Variants in MGAT5 observed in about 807,000 individuals in gnomAD.
MGAT5 encodes the protein alpha-1,6-mannosylglycoprotein 6-beta-N-acetylglucosaminyltransferase.
Under a neutral mutation model 94.3 loss-of-function variants are expected in MGAT5, and 30 were observed. The ratio of observed to expected loss-of-function variants is 0.32; its 90% confidence interval spans 0.24 to 0.43. The LOEUF (loss-of-function observed/expected upper bound fraction) is 0.43, where lower values mean the gene tolerates loss of function less well. Ranked by LOEUF, MGAT5 falls within the 20% of genes least tolerant of loss-of-function variation. The pLI, the probability that MGAT5 is intolerant of heterozygous loss-of-function variation, is 1.00. For synonymous variants in MGAT5, 310 were observed against 322.9 expected (o/e 0.96, Z 0.43); for missense variants, 691 against 905.5 (o/e 0.76, Z 3.04).
intron 1 of MGAT5, among the ~76,000 whole-genome samples, chr2:134,191,601 T>C (rs1443375098): frequency 1.4e-5 from 2 of 146,990 alleles, no homozygotes; most frequent in African/African-American, 5.1e-5. Flanking sequence ...GGGTTTCTCA[T>C]GGGAGGGTGG....
intron 1 of MGAT5, among the ~76,000 whole-genome samples, chr2:134,185,768 G>A (rs1039598215): frequency 6.6e-6 from 1 of 152,192 alleles, no homozygotes; most frequent in Non-Finnish European, 1.5e-5. Flanking sequence ...GAGTACCAAC[G>A]AGTGGCAAAA....
At chr2:134,421,914 TC>T (rs1306220946) in intron 12 of MGAT5, among the ~76,000 whole-genome samples, 1 of 151,634 alleles carries the variant, frequency 6.6e-6, no homozygotes, top group Non-Finnish European at 1.5e-5. Flanking sequence ...GTGCCTGTAA[TC>T]CCGGCAGTTT....
chr2:134,134,673 G>A (rs180758873), intron 1 of MGAT5, among the ~76,000 whole-genome samples: 5 of 152,286 alleles, frequency 3.3e-5, no homozygotes, highest in Admixed American at 3.3e-4. Flanking sequence ...GCCCTACAAT[G>A]TTATTGGGGG....
chr2:134,174,698 C>A (rs1573793844), intron 1 of MGAT5, among the ~76,000 whole-genome samples: 1 of 152,208 alleles, frequency 6.6e-6, no homozygotes, highest in Non-Finnish European at 1.5e-5. Context: ...CCTTCATTGT[C>A]TCTGCTCAGA....
chr2:134,347,064 G>A (rs1003993326), intron 8 of MGAT5, among the ~76,000 whole-genome samples: 1 of 152,054 alleles, frequency 6.6e-6, no homozygotes, highest in Non-Finnish European at 1.5e-5. Context: ...GTCATTAGTC[G>A]GCCTATGATG....
chr2:134,426,732 T>A (rs986648652), intron 13 of MGAT5, among the ~76,000 whole-genome samples: 1 of 150,284 alleles, frequency 6.7e-6, no homozygotes, highest in Middle Eastern at 3.4e-3. Flanking sequence ...GAAAAAATTT[T>A]ACATTTTGTG....
chr2:134,275,626 C>A (rs913198115), intron 2 of MGAT5, among the ~76,000 whole-genome samples: 58 of 130,326 alleles, frequency 4.5e-4, no homozygotes, highest in Non-Finnish European at 7.9e-4. Flanking sequence ...CTCTGTTGCT[C>A]AGGCCAGAAT....
intron 2 of MGAT5, among the ~76,000 whole-genome samples, chr2:134,299,925 T>C (rs755215312): frequency 1.4e-4 from 22 of 152,164 alleles, no homozygotes; most frequent in Non-Finnish European, 2.6e-4. Context: ...ACCTTGAATA[T>C]AACTCTCTGA....
intron 3 of MGAT5, among the ~76,000 whole-genome samples, chr2:134,318,142 T>C (rs542825802): frequency 6.6e-6 from 1 of 152,166 alleles, no homozygotes; most frequent in Non-Finnish European, 1.5e-5. Context: ...TCAGTAGTTT[T>C]CAGAGAACAG....
chr2:134,290,740 G>A (rs1685298290), intron 2 of MGAT5, among the ~76,000 whole-genome samples: 1 of 152,164 alleles, frequency 6.6e-6, no homozygotes, highest in Non-Finnish European at 1.5e-5. Flanking sequence ...TCTGCTATGA[G>A]TAGAGAAACA....
At chr2:134,445,710 G>A (rs1287048291) in intron 15 of MGAT5, among the ~76,000 whole-genome samples, 1 of 152,212 alleles carries the variant, frequency 6.6e-6, no homozygotes. Context: ...AGGAAGAAAG[G>A]AAAGGAAGAT....
chr2:134,437,049 C>T (rs1440111362), intron 14 of MGAT5, among the ~76,000 whole-genome samples: 5 of 152,210 alleles, frequency 3.3e-5, no homozygotes, highest in East Asian at 1.9e-4. Context: ...AGAGCAGTGG[C>T]GCCATCTCGG....
chr2:134,192,720 T>C (rs1679290957), intron 1 of MGAT5, among the ~76,000 whole-genome samples: 1 of 152,114 alleles, frequency 6.6e-6, no homozygotes, highest in African/African-American at 2.4e-5. Context: ...ATTGAACAAA[T>C]TAAATGCCTA....
At chr2:134,401,786 C>G (rs114437887) in intron 10 of MGAT5, among the ~76,000 whole-genome samples, 2,726 of 152,250 alleles carry the variant, frequency 0.018, 80 homozygotes, top group African/African-American at 0.062. Flanking sequence ...CAAAGTCATC[C>G]TGGTTCATGA....
At chr2:134,201,406 T>C (rs1165536360) in intron 1 of MGAT5, among the ~76,000 whole-genome samples, 1 of 152,182 alleles carries the variant, frequency 6.6e-6, no homozygotes, top group Non-Finnish European at 1.5e-5. Context: ...GTATCTTTTC[T>C]ATTTAAAAAG....
intron 5 of MGAT5, 129 bp downstream of exon 5, chr2:134,336,417 G>A (rs1028530425): frequency 6.7e-5 from 49 of 727,282 alleles, no homozygotes; most frequent in South Asian, 1.4e-4. Flanking sequence ...TTCTGTATTC[G>A]TCTCTGTGGA....
chr2:134,440,099 C>T (rs56892882), intron 14 of MGAT5, among the ~76,000 whole-genome samples: 4,246 of 152,228 alleles, frequency 0.028, 133 homozygotes, highest in African/African-American at 0.07. Context: ...CTCTCCTCAC[C>T]CCCGAGTCCT....
At chr2:134,130,977 A>C (rs1462195977) in intron 1 of MGAT5, among the ~76,000 whole-genome samples, 3 of 152,236 alleles carry the variant, frequency 2.0e-5, no homozygotes, top group Non-Finnish European at 4.4e-5. Flanking sequence ...TAAGGGAATA[A>C]AAGCAGGCTG....
intron 2 of MGAT5, among the ~76,000 whole-genome samples, chr2:134,301,394 A>G (rs535432451): frequency 8.5e-5 from 13 of 152,222 alleles, no homozygotes; most frequent in Non-Finnish European, 1.6e-4. Flanking sequence ...TACTCATAAC[A>G]TTCTTTTATT....
Sources: gnomAD v4.1 joint callset for allele counts (sites outside exome capture counted in the v4.1 genomes callset) on GRCh38, gnomAD v4.1.1 for gene constraint, MANE v1.5 for transcripts, NCBI Gene and HGNC (gene_info 2026-07-23, HGNC 2026-07-21) for gene names.